SETBP1: variants seen among roughly 807,000 people sequenced by gnomAD.
SETBP1 encodes the protein SET binding protein 1, also known as SET-binding protein.
In SETBP1, 9 loss-of-function variants were observed where a neutral mutation model predicts 101.0. That is an observed-to-expected ratio of 0.09 (90% CI 0.05 to 0.16). The LOEUF (loss-of-function observed/expected upper bound fraction) is 0.16, where lower values mean the gene tolerates loss of function less well. Ranked by LOEUF, SETBP1 falls within the 10% of genes least tolerant of loss-of-function variation. The pLI is 1.00. For synonymous variants in SETBP1, 818 were observed against 788.5 expected, an observed-to-expected ratio of 1.04 and a Z score of -0.63; for missense variants, 1,858 against 2,033.8, an observed-to-expected ratio of 0.91 and a Z score of 1.66.
Position 45,063,757 on chromosome 18 carries a change from A to G in SETBP1, c.*59A>G. 6.5e-7 allele frequency: 1 copy of G among 1,549,880 alleles called. No homozygotes were observed. The highest frequency in any genetic ancestry group is 8.7e-7 in the Non-Finnish European group (1 of 1,146,260). ...GAACTGACACGTGGGAAGCGCAGTG[A>G]GCCGGGGCGGGGGCGGAATCCCCCG... On this transcript the variant is annotated 3_prime_UTR_variant, in exon 6 of 6. Transcript: ENST00000649279.
intron 5 of SETBP1, among the ~76,000 whole-genome samples, chr18:45,044,743 A>C (rs919994660): frequency 1.3e-5 from 2 of 152,186 alleles, no homozygotes; most frequent in Non-Finnish European, 2.9e-5. Flanking sequence ...ATTTTCAAAA[A>C]ACTAAAGTTA....
rs1380978873 is a variant in SETBP1 at position 45,043,375 on chromosome 18, A to ACACACT, written c.4171+4726_4171+4731dup. On this transcript the variant is annotated intron_variant, in intron 5 of 5. Transcript: ENST00000649279. Reference sequence around the variant, plus strand: ...CTCTCTCTCTCTCTCTCACACACTCACACACTCACACACACACACACAAAC... The same window carrying ACACACT: ...CTCTCTCTCTCTCTCTCACACACTCACACACTCACACTCACACACACACACACAAAC... Among the ~76,000 whole-genome samples the ACACACT allele has an allele frequency of 8.2e-4, 124 of 150,588 alleles. No individual in the cohort carries two copies. The East Asian group carries it at 0.021, about 26-fold the overall frequency.
rs530239286 is a variant in SETBP1, at chr18:44,952,798, A to C, written c.3458A>C (p.Lys1153Thr). 1 of 1,614,090 alleles carries C rather than the reference A, an allele frequency of 6.2e-7. No individual in the cohort carries two copies. Among genetic ancestry groups the C allele is most frequent in the African/African-American group, 1.3e-5 (1 of 75,008 alleles). Residue 1153 changes from lysine (K) to threonine (T), a missense_variant, in exon 4 of 6, where the codon AAA becomes ACA. Around this residue, in one of 12 missense-constraint regions of SETBP1, gnomAD observed 417 missense variants for 389.1 expected, o/e 1.07. Coordinates refer to ENST00000649279, the MANE Select transcript of SETBP1 (RefSeq NM_015559.3). ...GGTCGGCTCCATAAGAGGAAACACA[A>C]ACACAAGCATAAGCACAAGGAAGAC... is the stretch of plus-strand genomic sequence containing the variant. ...SSGRLHKRKH[K>T]HKHKHKEDRI...
intron 5 of SETBP1, 103 bp downstream of exon 5, chr18:45,038,758 G>A (rs973220057): frequency 4.8e-6 from 6 of 1,254,894 alleles, no homozygotes; most frequent in Non-Finnish European, 6.8e-6. Flanking sequence ...TCTCTGTTTT[G>A]CCATCCTCCC....
chr18:44,713,339 G>A (rs1054702325), intron 2 of SETBP1, among the ~76,000 whole-genome samples: 20 of 150,166 alleles, frequency 1.3e-4, no homozygotes, highest in African/African-American at 4.2e-4. Flanking sequence ...AGGCCTTCAC[G>A]GGGGGGGACG....
At chr18:44,974,890 A>G (rs573816685) in intron 4 of SETBP1, among the ~76,000 whole-genome samples, 2 of 152,348 alleles carry the variant, frequency 1.3e-5, no homozygotes, top group African/African-American at 4.8e-5. Flanking sequence ...AAGTAAAAAT[A>G]GGATACATTT....
chr18:44,715,662 CT>C (rs2069446220), intron 2 of SETBP1, among the ~76,000 whole-genome samples: 1 of 152,194 alleles, frequency 6.6e-6, no homozygotes, highest in Admixed American at 6.5e-5. Flanking sequence ...TAAAACAGTT[CT>C]GAAATGTTAA....
At chr18:44,851,440 G>C (rs1031267631) in intron 2 of SETBP1, among the ~76,000 whole-genome samples, 4 of 152,176 alleles carry the variant, frequency 2.6e-5, no homozygotes, top group Non-Finnish European at 4.4e-5. Flanking sequence ...ACCAGAAGTG[G>C]TGGTCAAAAG....
chr18:44,839,403 G>T (rs2072569179), intron 2 of SETBP1, among the ~76,000 whole-genome samples: 1 of 151,364 alleles, frequency 6.6e-6, no homozygotes, highest in Non-Finnish European at 1.5e-5. Context: ...GCAAACCTGG[G>T]TGTTGCTGCT....
chr18:44,788,790 A>ATTTTTTTTTTTTTTTTTTT (rs34929410), intron 2 of SETBP1, among the ~76,000 whole-genome samples: 1 of 80,434 alleles, frequency 1.2e-5, no homozygotes, highest in African/African-American at 5.3e-5. Flanking sequence ...TTCCTTTTTA[A>ATTTTTTTTTTTTTTTTTTT]TTTTTTTTTT....
intron 2 of SETBP1, among the ~76,000 whole-genome samples, chr18:44,856,864 T>C (rs2072988170): frequency 6.6e-6 from 1 of 152,214 alleles, no homozygotes; most frequent in East Asian, 1.9e-4. Context: ...TTGGTATTCT[T>C]TTCCACTTTC....
At chr18:45,054,630 G>T (rs764273372) in intron 5 of SETBP1, among the ~76,000 whole-genome samples, 1 of 152,176 alleles carries the variant, frequency 6.6e-6, no homozygotes. Context: ...TCTTTTGCTG[G>T]TTCTCTTATT....
chr18:44,718,845 C>T (rs757228352), intron 2 of SETBP1, among the ~76,000 whole-genome samples: 11 of 152,224 alleles, frequency 7.2e-5, no homozygotes, highest in South Asian at 4.2e-4. Flanking sequence ...AAGCAGAAAG[C>T]ACCTCGTAGT....
At chr18:44,857,789 C>A (rs773113929) in intron 2 of SETBP1, among the ~76,000 whole-genome samples, 2 of 152,078 alleles carry the variant, frequency 1.3e-5, no homozygotes, top group Non-Finnish European at 2.9e-5. Flanking sequence ...TCAGGGAGAA[C>A]AATGAAAGGA....
intron 2 of SETBP1, among the ~76,000 whole-genome samples, chr18:44,842,053 G>A (rs1414447016): frequency 1.3e-5 from 2 of 152,228 alleles, no homozygotes; most frequent in Non-Finnish European, 2.9e-5. Flanking sequence ...TTTAAGGAGA[G>A]ACTGAGATTT....
At chr18:44,947,289 T>C (rs568718485) in intron 3 of SETBP1, among the ~76,000 whole-genome samples, 1 of 152,040 alleles carries the variant, frequency 6.6e-6, no homozygotes, top group East Asian at 1.9e-4. Context: ...CTCTGTTAGG[T>C]ACCAAGAGTA....
chr18:44,718,541 C>T (rs2069516558), intron 2 of SETBP1, among the ~76,000 whole-genome samples: 1 of 152,222 alleles, frequency 6.6e-6, no homozygotes, highest in African/African-American at 2.4e-5. Flanking sequence ...TGCTTATCCA[C>T]TTAAACTGCT....
At chr18:44,700,916 C>T (rs1193200029) in intron 1 of SETBP1, among the ~76,000 whole-genome samples, 2 of 152,188 alleles carry the variant, frequency 1.3e-5, no homozygotes, top group East Asian at 1.9e-4. Flanking sequence ...CTGGAGAACT[C>T]GCACCTCTTA....
At chr18:44,881,805 A>G (rs898950012) in intron 3 of SETBP1, among the ~76,000 whole-genome samples, 1 of 152,220 alleles carries the variant, frequency 6.6e-6, no homozygotes, top group Non-Finnish European at 1.5e-5. Context: ...CTGGGATTTA[A>G]ATATAAAGAG....
Sources: allele counts gnomAD v4.1 joint callset (sites outside exome capture counted in the v4.1 genomes callset), GRCh38; gene constraint gnomAD v4.1.1; regional missense constraint gnomAD v4.1.1; transcripts MANE v1.5; gene names NCBI Gene and HGNC (gene_info 2026-07-23, HGNC 2026-07-21).